Variants in DNAI4 observed in about 807,000 individuals in gnomAD.
The protein encoded by DNAI4 is dynein axonemal intermediate chain 4.
In DNAI4, 85 loss-of-function variants were observed where a neutral mutation model predicts 105.8. The ratio of observed to expected loss-of-function variants is 0.80; its 90% CI spans 0.67 to 0.96. The LOEUF (loss-of-function observed/expected upper bound fraction) is 0.96. Among genes scored for constraint, DNAI4 ranks in the 40% least tolerant of loss-of-function variants. The pLI is 0.00. For missense variants in DNAI4, 1,014 were observed against 1,005.6 expected (o/e 1.01, Z -0.11); for synonymous variants, 352 against 331.5 (o/e 1.06, Z -0.67).
chr1:66,859,371 A>G (rs1009074335), intron 7 of DNAI4, among the ~76,000 whole-genome samples: 1 of 152,150 alleles, frequency 6.6e-6, no homozygotes, highest in Non-Finnish European at 1.5e-5. Flanking sequence ...TAGTACAACC[A>G]CTTTGGAAGA....
chr1:66,842,775 G>A (rs1313842952), intron 8 of DNAI4, among the ~76,000 whole-genome samples: 1 of 152,178 alleles, frequency 6.6e-6, no homozygotes, highest in Non-Finnish European at 1.5e-5. Context: ...CCATCAGCAT[G>A]AATAAGACTT....
intron 14 of DNAI4, among the ~76,000 whole-genome samples, chr1:66,827,385 G>A (rs1338873217): frequency 6.6e-6 from 1 of 152,100 alleles, no homozygotes; most frequent in Non-Finnish European, 1.5e-5. Flanking sequence ...GTGCAGTGGT[G>A]TTTGCCTGTA....
chr1:66,892,635 G>C (rs1341150434), intron 3 of DNAI4, among the ~76,000 whole-genome samples: 3 of 152,136 alleles, frequency 2.0e-5, no homozygotes, highest in Non-Finnish European at 4.4e-5. Flanking sequence ...TCAAAACTGG[G>C]TGGCTCATGC....
intron 3 of DNAI4, among the ~76,000 whole-genome samples, chr1:66,892,182 T>C (rs754359137): frequency 6.6e-6 from 1 of 152,226 alleles, no homozygotes; most frequent in Non-Finnish European, 1.5e-5. Flanking sequence ...CTATTTATAG[T>C]CTCAACTGCC....
intron 1 of DNAI4, among the ~76,000 whole-genome samples, chr1:66,916,070 G>A (rs1353403436): frequency 7.8e-6 from 1 of 128,862 alleles, no homozygotes; most frequent in Non-Finnish European, 1.6e-5. Context: ...GGGCAACAGA[G>A]CAAGACTCTG....
At chr1:66,834,567 C>T (rs144564103) in intron 11 of DNAI4, among the ~76,000 whole-genome samples, 2 of 151,978 alleles carry the variant, frequency 1.3e-5, no homozygotes, top group African/African-American at 2.4e-5. Flanking sequence ...TCATTTAAAT[C>T]TTATCCAGGT....
chr1:66,890,814 GAA>G lies in DNAI4; in HGVS notation c.643+338_643+339del, dbSNP rs1465566373. 4 of 317,506 alleles carry G rather than the reference GAA, an allele frequency of 1.3e-5. No homozygotes were observed. The highest frequency in any genetic ancestry group is 9.9e-5 in the East Asian group (1 of 10,102). The allele number at this position is 317,506 out of a possible 1,614,324, so 19.7% of individuals were successfully genotyped here. On this transcript the variant is annotated intron_variant, in intron 4 of 16. Transcript: ENST00000371026. The surrounding 1 kb of genome is among the most constrained non-coding windows in gnomAD (Gnocchi z 4.1). ...GAAGAAGTGAGGAAGAAGAGGAAAAGAAGAGGAAAAGAGGAAGAGGAAGAAAA... is the reference window on the plus strand; with the variant it reads ...GAAGAAGTGAGGAAGAAGAGGAAAAGGAGGAAAAGAGGAAGAGGAAGAAAA...
At chr1:66,911,225 T>A (rs1649635931) in intron 1 of DNAI4, among the ~76,000 whole-genome samples, 1 of 152,220 alleles carries the variant, frequency 6.6e-6, no homozygotes, top group Non-Finnish European at 1.5e-5. Context: ...ACTGGTTTAT[T>A]GTAAAGTATA....
At chr1:66,815,980 G>A (rs1405306098) in intron 16 of DNAI4, among the ~76,000 whole-genome samples, 4 of 152,100 alleles carry the variant, frequency 2.6e-5, no homozygotes, top group African/African-American at 9.7e-5. Context: ...CTGTCATCGG[G>A]AAGGGGCCAG....
intron 5 of DNAI4, among the ~76,000 whole-genome samples, chr1:66,872,864 C>A (rs1159243178): frequency 6.6e-6 from 1 of 151,888 alleles, no homozygotes; most frequent in Non-Finnish European, 1.5e-5. Flanking sequence ...AGGTGCCCAC[C>A]ACCATGCCCA....
intron 16 of DNAI4, among the ~76,000 whole-genome samples, chr1:66,814,556 GAT>G (rs1645476525): frequency 2.6e-5 from 4 of 152,130 alleles, no homozygotes; most frequent in African/African-American, 7.2e-5. Context: ...TTTTAGTAGA[GAT>G]ACGGTTTCAC....
At chr1:66,893,057 G>GAGAGGAAAGAAAGAAAGAAAGAAAGAA (rs1647904790) in intron 3 of DNAI4, among the ~76,000 whole-genome samples, 172 bp downstream of exon 3, 1 of 91,340 alleles carries the variant, frequency 1.1e-5, no homozygotes, top group African/African-American at 4.7e-5. Flanking sequence ...GAAAGAAAGA[G>GAGAGGAAAGAAAGAAAGAAAGAAAGAA]AGAGAGAGAA....
Position 66,893,044 on chromosome 1 carries a change from A to G in DNAI4, c.530+185T>C, listed in dbSNP as rs1287818106. 1.6e-5 allele frequency among the ~76,000 whole-genome samples: 2 copies of G among 126,650 alleles called. 1 individual carries two copies. Among genetic ancestry groups the G allele is most frequent in the African/African-American group, 7.0e-5 (2 of 28,704 alleles). The allele number at this position is 126,650 out of a possible 152,430, so 83.1% of individuals were successfully genotyped here. A position where few individuals can be genotyped will look rare whatever the true frequency, so the allele number is the denominator to read the frequency against. On this transcript the variant is annotated intron_variant, in intron 3 of 16. Coordinates refer to ENST00000371026, the MANE Select transcript of DNAI4 (RefSeq NM_024763.5). ...AAAGAAAGAAAGAGAGGAAAGAAAGAAAGAAAGAAAGAGAGAGAGAGAAAG... is the reference window on the plus strand; with the variant it reads ...AAAGAAAGAAAGAGAGGAAAGAAAGGAAGAAAGAAAGAGAGAGAGAGAAAG...
At chr1:66,849,351 C>G (rs968219165) in intron 7 of DNAI4, among the ~76,000 whole-genome samples, 4 of 152,158 alleles carry the variant, frequency 2.6e-5, no homozygotes, top group African/African-American at 9.7e-5. Flanking sequence ...CATTGGAGGT[C>G]AAGTGGCAAA....
chr1:66,840,710 A>G, intron 8 of DNAI4, 39 bp from the exon 9 acceptor site: 1 of 1,605,406 alleles, frequency 6.2e-7, no homozygotes, highest in Non-Finnish European at 8.5e-7. Context: ...TGTCCTCTAC[A>G]TCTATAGGGA....
At chr1:66,871,569 C>G in intron 5 of DNAI4, 60 bp from the exon 6 acceptor site, 2 of 1,405,024 alleles carry the variant, frequency 1.4e-6, no homozygotes, top group Admixed American at 2.5e-5. Flanking sequence ...CGTATTATCT[C>G]TTTATATTAT....
At chr1:66,835,320 T>C (rs1022696497) in intron 11 of DNAI4, among the ~76,000 whole-genome samples, 1 of 152,168 alleles carries the variant, frequency 6.6e-6, no homozygotes, top group African/African-American at 2.4e-5. Flanking sequence ...ATGTATAGGT[T>C]GCACAAAAGA....
chr1:66,822,594 C>G, intron 15 of DNAI4, 77 bp from the exon 16 acceptor site: 1 of 1,275,612 alleles, frequency 7.8e-7, no homozygotes, highest in Admixed American at 3.3e-5. Flanking sequence ...AAAAATTTGA[C>G]ATTTTTTAAA....
At chr1:66,883,718 A>T (rs1032843781) in intron 4 of DNAI4, among the ~76,000 whole-genome samples, 1 of 152,224 alleles carries the variant, frequency 6.6e-6, no homozygotes, top group African/African-American at 2.4e-5. Context: ...TTTAAATTGT[A>T]AAGTGACAAC....
Sources: allele counts gnomAD v4.1 joint callset (sites outside exome capture counted in the v4.1 genomes callset), GRCh38; gene constraint gnomAD v4.1.1; non-coding constraint Gnocchi (gnomAD v3.1); transcripts MANE v1.5; gene names NCBI Gene and HGNC (gene_info 2026-07-23, HGNC 2026-07-21).